Variants in DROSHA observed in about 807,000 individuals in gnomAD.
The protein encoded by DROSHA is drosha ribonuclease III.
In DROSHA, 56 loss-of-function variants were observed where a neutral mutation model predicts 181.9. The ratio of observed to expected loss-of-function variants is 0.31; its 90% CI spans 0.25 to 0.38. DROSHA has a LOEUF of 0.38. Ranked by LOEUF, DROSHA falls within the 10% of genes least tolerant of loss-of-function variation. DROSHA has a pLI of 1.00. For synonymous variants in DROSHA, 524 were observed against 591.2 expected (o/e 0.89, Z 1.65); for missense variants, 1,218 against 1,743.5 (o/e 0.70, Z 5.37).
intron 20 of DROSHA, among the ~76,000 whole-genome samples, chr5:31,453,013 T>C (rs1021163569): frequency 4.6e-5 from 7 of 151,986 alleles, no homozygotes; most frequent in African/African-American, 1.5e-4. Context: ...AGCTCAAGAG[T>C]TGATGCTAAA....
At position 31,519,228 on chromosome 5, in the gene DROSHA, A is replaced by C. The variant is rs556874003; in HGVS notation, c.947+1895T>G. 4.1e-4 allele frequency among the ~76,000 whole-genome samples: 63 copies of C among 152,172 alleles called. 2 individuals carry two copies. Among genetic ancestry groups the C allele is most frequent in the Admixed American group, 3.9e-3 (59 of 15,276 alleles). ...TAAACCGAGGCTATTTCCAGCACTT[A>C]TACATTAAAAATCATCCACCTCAAA... On this transcript the variant is annotated intron_variant, in intron 6 of 35. Coordinates refer to ENST00000344624, the MANE Select transcript of DROSHA (RefSeq NM_001382508.1).
intron 21 of DROSHA, among the ~76,000 whole-genome samples, chr5:31,449,853 A>G (rs1746752829): frequency 6.6e-6 from 1 of 152,186 alleles, no homozygotes; most frequent in Non-Finnish European, 1.5e-5. Context: ...TTATCTCCCC[A>G]AGTATCTGTA....
chr5:31,467,156 A>C (rs1749137405), intron 18 of DROSHA: 1 of 150,910 alleles, frequency 6.6e-6, no homozygotes, highest in Non-Finnish European at 1.5e-5. Context: ...TGCCTGGTTC[A>C]CTGCTTCATA....
chr5:31,412,932 A>T (rs1159050441), intron 30 of DROSHA, among the ~76,000 whole-genome samples: 1 of 152,184 alleles, frequency 6.6e-6, no homozygotes, highest in Non-Finnish European at 1.5e-5. Flanking sequence ...CTATGGGAAC[A>T]AGGCTATGCT....
Position 31,467,989 on chromosome 5 carries a change from G to A in DROSHA, c.2316C>T (p.Ile772=), listed in dbSNP as rs771373409. 43 of 1,611,554 alleles carry A rather than the reference G, an allele frequency of 2.7e-5. No individual in the cohort carries two copies. Among genetic ancestry groups the A allele is most frequent in the Middle Eastern group, 1.6e-4 (1 of 6,084 alleles). The part of the protein sequence containing the change: ...FNPDVITFPI[I]VHFGIRPAQL... ...GTGCAGGGCGTATCCCAAAGTGGAC[G>A]ATAATCGGAAAAGTAATCACATCGG... The change falls in exon 18 of 36, where the codon ATC becomes ATT. Residue 772 remains isoleucine, a synonymous_variant. Coordinates refer to ENST00000344624, the MANE Select transcript of DROSHA (RefSeq NM_001382508.1).
chr5:31,486,461 C>T, intron 14 of DROSHA, 30 bp downstream of exon 14: 5 of 1,606,464 alleles, frequency 3.1e-6, no homozygotes, highest in Non-Finnish European at 4.2e-6. Context: ...GAGCAAACTA[C>T]ATCAAACCAC....
At chr5:31,408,855 G>C (rs1380181291) in intron 33 of DROSHA, 1 of 512,040 alleles carries the variant, frequency 2.0e-6, no homozygotes, top group Non-Finnish European at 3.4e-6. Flanking sequence ...AGATAATGGA[G>C]TGGGACCCAC....
intron 35 of DROSHA, 117 bp from the exon 36 acceptor site, chr5:31,401,679 A>T: frequency 1.6e-6 from 1 of 619,670 alleles, no homozygotes; most frequent in Non-Finnish European, 2.2e-6. Context: ...AATGTGTATA[A>T]TTGTATTTTA....
chr5:31,421,438 AC>A (rs1446419732), intron 29 of DROSHA, 61 bp from the exon 30 acceptor site: 4 of 1,336,968 alleles, frequency 3.0e-6, no homozygotes, highest in Non-Finnish European at 4.3e-6. Context: ...CCAAAAAAAC[AC>A]CCAGAATTTT....
chr5:31,413,209 A>G (rs1741531230), intron 30 of DROSHA, among the ~76,000 whole-genome samples: 1 of 152,214 alleles, frequency 6.6e-6, no homozygotes. Context: ...GTTTTATTTC[A>G]GACAAGCCCT....
chr5:31,510,062 A>AGAAAAG (rs1366805198), intron 9 of DROSHA, among the ~76,000 whole-genome samples: 2 of 131,678 alleles, frequency 1.5e-5, no homozygotes, highest in Non-Finnish European at 3.6e-5. Context: ...AAAAAAAAAA[A>AGAAAAG]AAACAGACCT....
chr5:31,491,867 T>C (rs1343474273), intron 13 of DROSHA, among the ~76,000 whole-genome samples: 2 of 152,352 alleles, frequency 1.3e-5, no homozygotes, highest in East Asian at 3.9e-4. Context: ...TGATCTCGGC[T>C]CACTGAAACT....
intron 13 of DROSHA, among the ~76,000 whole-genome samples, chr5:31,486,944 G>A (rs1751844484): frequency 6.6e-6 from 1 of 152,030 alleles, no homozygotes; most frequent in African/African-American, 2.4e-5. Context: ...GGCAGATCAG[G>A]GATAGTAGGG....
At chr5:31,439,288 T>C (rs768764426) in intron 23 of DROSHA, among the ~76,000 whole-genome samples, 2 of 152,234 alleles carry the variant, frequency 1.3e-5, no homozygotes, top group Non-Finnish European at 2.9e-5. Context: ...AATCCTGTGC[T>C]GTCCCACCCT....
At chr5:31,421,175 G>C in intron 30 of DROSHA, 97 bp downstream of exon 30, 4 of 945,030 alleles carry the variant, frequency 4.2e-6, no homozygotes, top group Non-Finnish European at 1.6e-6. Flanking sequence ...AAGTCACTAA[G>C]AGTAAGAAAT....
rs779120970 is a variant in DROSHA at position 31,493,225 on chromosome 5, T to C, written c.1824A>G (p.Ala608=). The stretch of plus-strand genomic sequence containing the variant: ...TACTTACATTGGTCAGGGGGGCATG[T>C]GCAAACATAGAAAATCCTTCAAAGA... The part of the protein sequence containing the change: ...EYIFEGFSMF[A]HAPLTNIPLC... The change falls in exon 13 of 36, where the codon GCA becomes GCG. Residue 608 remains alanine (A), a synonymous_variant. Transcript: ENST00000344624. 1 of 1,607,204 alleles carries C rather than the reference T, an allele frequency of 6.2e-7. No individual in the cohort carries two copies. Among genetic ancestry groups the C allele is most frequent in the South Asian group, 1.1e-5 (1 of 88,408 alleles).
rs1165311625 is a variant in DROSHA, at chr5:31,436,794, ACACT to A, written c.2942+441_2942+444del. On this transcript the variant is annotated intron_variant, in intron 24 of 35. Transcript: ENST00000344624. ...CACACACACACACACACACACACAC[ACACT>A]AGAAAATCTGGTCATTAAAATTACT... Among the ~76,000 whole-genome samples the A allele has an allele frequency of 4.4e-4, 60 of 136,008 alleles. No individual in the cohort carries two copies. In the South Asian group the frequency reaches 8.4e-3, roughly 19 times the overall value. The allele number at this position is 136,008 out of a possible 152,430, so 89.2% of individuals were successfully genotyped here. A position where few individuals can be genotyped will look rare whatever the true frequency, so the allele number is the denominator to read the frequency against.
At chr5:31,444,998 C>T (rs113969971) in intron 23 of DROSHA, among the ~76,000 whole-genome samples, 84 of 152,348 alleles carry the variant, frequency 5.5e-4, no homozygotes, top group African/African-American at 1.7e-3. Context: ...TCAGCCATTG[C>T]TGGCAATTTT....
At chr5:31,490,540 T>A (rs1288060335) in intron 13 of DROSHA, among the ~76,000 whole-genome samples, 1 of 152,112 alleles carries the variant, frequency 6.6e-6, no homozygotes, top group Non-Finnish European at 1.5e-5. Flanking sequence ...CAATAACAAA[T>A]GTACTACATA....
Sources: allele counts gnomAD v4.1 joint callset (sites outside exome capture counted in the v4.1 genomes callset), GRCh38; gene constraint gnomAD v4.1.1; transcripts MANE v1.5; gene names NCBI Gene and HGNC (gene_info 2026-07-23, HGNC 2026-07-21).